Variants in CSGALNACT1 observed in about 807,000 individuals in gnomAD.
CSGALNACT1 encodes the protein chondroitin sulfate N-acetylgalactosaminyltransferase 1, also known as beta4GalNAcT-1.
CSGALNACT1 carries 52 observed loss-of-function variants against 51.0 expected under a neutral mutation model. That is an observed-to-expected ratio of 1.02 (90% confidence interval 0.82 to 1.29). The LOEUF is 1.29. CSGALNACT1 is among the 50% of genes most tolerant of loss of function. The pLI is 0.00. For missense variants in CSGALNACT1, 935 were observed against 679.2 expected, an observed-to-expected ratio of 1.38 and a Z score of -4.19; for synonymous variants, 341 against 254.4, an observed-to-expected ratio of 1.34 and a Z score of -3.24.
intron 1 of CSGALNACT1, among the ~76,000 whole-genome samples, chr8:19,740,907 T>C (rs904469432): frequency 2.0e-5 from 3 of 152,222 alleles, no homozygotes; most frequent in African/African-American, 7.2e-5. Flanking sequence ...TACCCACATA[T>C]GTATTCACAA....
At chr8:19,615,858 A>G (rs1269773583) in intron 1 of CSGALNACT1, among the ~76,000 whole-genome samples, 2 of 151,834 alleles carry the variant, frequency 1.3e-5, no homozygotes, top group Non-Finnish European at 2.9e-5. Flanking sequence ...AACAGGACAA[A>G]GAACATGTGA....
chr8:19,634,760 G>A (rs182500631), intron 1 of CSGALNACT1, among the ~76,000 whole-genome samples: 3 of 152,286 alleles, frequency 2.0e-5, no homozygotes, highest in East Asian at 3.9e-4. Flanking sequence ...CAATAAGAGA[G>A]CCCTTACCAG....
chr8:19,655,722 T>C (rs1280905604), intron 1 of CSGALNACT1, among the ~76,000 whole-genome samples: 1 of 152,188 alleles, frequency 6.6e-6, no homozygotes, highest in East Asian at 1.9e-4. Flanking sequence ...CAGCTGCTAG[T>C]CTTTTTTAAT....
In CSGALNACT1 at chr8:19,609,992, G is replaced by A. The variant is rs555418439; in HGVS notation, c.-543-8127C>T. The stretch of plus-strand genomic sequence containing the variant: ...TCCCAGCAGTTTGGGAGGCCGAGGT[G>A]GGTGGATCACGAGGTCAGGAGTTCA... On this transcript the variant is annotated intron_variant, in intron 1 of 9. Coordinates refer to the CSGALNACT1 transcript ENST00000332246. Among the ~76,000 whole-genome samples, 18 of 151,836 alleles carry A rather than the reference G, an allele frequency of 1.2e-4. No homozygotes were observed. The South Asian group carries it at 3.3e-3, about 28-fold the overall frequency.
intron 1 of CSGALNACT1, among the ~76,000 whole-genome samples, chr8:19,646,525 A>G (rs1589245626): frequency 6.6e-6 from 1 of 152,212 alleles, no homozygotes; most frequent in Non-Finnish European, 1.5e-5. Context: ...AGAAGAAACA[A>G]TAGTGTCCAA....
At chr8:19,645,844 C>T (rs1435030419) in intron 1 of CSGALNACT1, among the ~76,000 whole-genome samples, 1 of 152,228 alleles carries the variant, frequency 6.6e-6, no homozygotes, top group East Asian at 1.9e-4. Context: ...CAGGGCAGTG[C>T]TGGCCTGGGC....
intron 1 of CSGALNACT1, among the ~76,000 whole-genome samples, chr8:19,653,432 C>T (rs1366789003): frequency 6.6e-6 from 1 of 152,164 alleles, no homozygotes; most frequent in Non-Finnish European, 1.5e-5. Context: ...CCTCAGGGGC[C>T]TACCCTGCAC....
At chr8:19,748,551 A>G (rs17091266) in intron 1 of CSGALNACT1, among the ~76,000 whole-genome samples, 26,606 of 152,126 alleles carry the variant, frequency 0.17, 2,415 homozygotes, top group Middle Eastern at 0.32. Context: ...AACAGTTGAC[A>G]CATATATTAA....
intron 4 of CSGALNACT1, among the ~76,000 whole-genome samples, chr8:19,498,358 C>T (rs1312450453): frequency 1.3e-5 from 2 of 152,222 alleles, no homozygotes; most frequent in Non-Finnish European, 2.9e-5. Context: ...AACTGGGAGG[C>T]TGATTAAAAA....
intron 3 of CSGALNACT1, among the ~76,000 whole-genome samples, chr8:19,511,257 T>G (rs1169221829): frequency 6.6e-6 from 1 of 152,112 alleles, no homozygotes; most frequent in Non-Finnish European, 1.5e-5. Context: ...CCAAAAGGCT[T>G]GATGGAGAAA....
intron 6 of CSGALNACT1, among the ~76,000 whole-genome samples, chr8:19,430,029 A>G (rs1425943353): frequency 2.0e-5 from 3 of 152,212 alleles, no homozygotes; most frequent in Non-Finnish European, 4.4e-5. Flanking sequence ...CTTTGGAGAA[A>G]TGTACATCCA....
At chr8:19,685,925 C>A (rs935789823), upstream of CSGALNACT1, among the ~76,000 whole-genome samples, 1 of 152,194 alleles carries the variant, frequency 6.6e-6, no homozygotes, top group African/African-American at 2.4e-5. Flanking sequence ...TTAAGGCCAC[C>A]TGATCACTTG....
chr8:19,409,496 TATATAGAG>T (rs758645252), intron 8 of CSGALNACT1, among the ~76,000 whole-genome samples: 1 of 109,140 alleles, frequency 9.2e-6, no homozygotes, highest in Non-Finnish European at 1.9e-5. Context: ...CATATATATA[TATATAGAG>T]AGAGAGAGAG....
intron 6 of CSGALNACT1, among the ~76,000 whole-genome samples, chr8:19,429,894 T>C (rs907990618): frequency 6.6e-6 from 1 of 152,230 alleles, no homozygotes; most frequent in African/African-American, 2.4e-5. Context: ...CACTTGTAAT[T>C]GACTTGTGGA....
chr8:19,527,682 C>T (rs1281295060), intron 3 of CSGALNACT1, among the ~76,000 whole-genome samples: 1 of 152,140 alleles, frequency 6.6e-6, no homozygotes, highest in African/African-American at 2.4e-5. Flanking sequence ...CGACATTACG[C>T]ATGAGAACCA....
At chr8:19,531,662 A>C (rs905083658) in intron 3 of CSGALNACT1, among the ~76,000 whole-genome samples, 1 of 152,148 alleles carries the variant, frequency 6.6e-6, no homozygotes, top group Non-Finnish European at 1.5e-5. Context: ...TCAACACCTC[A>C]CCTCTTCAGA....
At chr8:19,659,122 T>G (rs1016369628) in intron 1 of CSGALNACT1, among the ~76,000 whole-genome samples, 1 of 152,190 alleles carries the variant, frequency 6.6e-6, no homozygotes, top group East Asian at 1.9e-4. Flanking sequence ...AGGATGATAT[T>G]GACATTTTAA....
chr8:19,443,162 C>A (rs1427859652), intron 5 of CSGALNACT1, among the ~76,000 whole-genome samples: 1 of 152,190 alleles, frequency 6.6e-6, no homozygotes, highest in Non-Finnish European at 1.5e-5. Flanking sequence ...ATGTCCTGTC[C>A]TCTCAAGAGA....
intron 6 of CSGALNACT1, among the ~76,000 whole-genome samples, chr8:19,426,656 G>A (rs1490474128): frequency 1.3e-5 from 2 of 152,030 alleles, no homozygotes; most frequent in Non-Finnish European, 1.5e-5. Flanking sequence ...CCATTTCCCA[G>A]TCAATTCCTG....
Sources: allele counts gnomAD v4.1 joint callset (sites outside exome capture counted in the v4.1 genomes callset), GRCh38; gene constraint gnomAD v4.1.1; transcripts MANE v1.5; gene names NCBI Gene and HGNC (gene_info 2026-07-23, HGNC 2026-07-21).